Variants in ARHGEF12 observed in about 807,000 individuals in gnomAD.
ARHGEF12 encodes the protein KMT2A/ARHGEF12 fusion protein.
Under a neutral mutation model 211.2 loss-of-function variants are expected in ARHGEF12, and 66 were observed. That is an observed-to-expected ratio of 0.31 (90% CI 0.26 to 0.38). The LOEUF is 0.38. Ranked by LOEUF, ARHGEF12 falls within the 10% of genes least tolerant of loss-of-function variation. The pLI, the probability that ARHGEF12 is intolerant of heterozygous loss-of-function variation, is 1.00. For missense variants in ARHGEF12, 1,429 were observed against 1,869.5 expected (o/e 0.76, Z 4.34); for synonymous variants, 592 against 638.4 (o/e 0.93, Z 1.09).
At chr11:120,348,709 C>T (rs1942842634) in intron 1 of ARHGEF12, among the ~76,000 whole-genome samples, 1 of 152,082 alleles carries the variant, frequency 6.6e-6, no homozygotes, top group Admixed American at 6.5e-5. Flanking sequence ...GGCATGGTGG[C>T]ACATGCCTGT....
chr11:120,420,656 TC>T, intron 4 of ARHGEF12, 96 bp from the exon 5 acceptor site: 1 of 1,012,298 alleles, frequency 9.9e-7, no homozygotes, highest in Non-Finnish European at 1.5e-6. Context: ...TTTTTGTTTC[TC>T]CAGATGGAAC....
intron 1 of ARHGEF12, among the ~76,000 whole-genome samples, chr11:120,352,074 A>G (rs1054262849): frequency 6.6e-6 from 1 of 152,218 alleles, no homozygotes; most frequent in Non-Finnish European, 1.5e-5. Flanking sequence ...CTTCAACAAT[A>G]CCATTAAAGA....
In ARHGEF12 at chr11:120,446,823, A is replaced by G. The variant is rs1265769282; in HGVS notation, c.1452-125A>G. The G allele has an allele frequency of 8.3e-6, 10 of 1,205,230 alleles. No homozygotes were observed. The Admixed American group carries it at 1.4e-4, about 16-fold the overall frequency. The allele number at this position is 1,205,230 out of a possible 1,614,324, so 74.7% of individuals were successfully genotyped here. A position where few individuals can be genotyped will look rare whatever the true frequency, so the allele number is the denominator to read the frequency against. On this transcript the variant is annotated intron_variant, in intron 17 of 40. Coordinates refer to ENST00000397843, the MANE Select transcript of ARHGEF12 (RefSeq NM_015313.3). ...CTGGTATCCTAGATGACATGGACCCATAAGTGGAAAAGTGACATTTTTCCT... is the reference window on the plus strand; with the variant it reads ...CTGGTATCCTAGATGACATGGACCCGTAAGTGGAAAAGTGACATTTTTCCT...
Position 120,451,661 on chromosome 11 carries a change from T to G in ARHGEF12, c.1993T>G (p.Ser665Ala), listed in dbSNP as rs1488780818. 1.9e-6 allele frequency: 3 copies of G among 1,614,030 alleles called. No homozygotes were observed. The highest frequency in any genetic ancestry group is 2.2e-5 in the South Asian group (2 of 91,064). Residue 665 changes from serine to alanine, a missense_variant, in exon 22 of 41, where the codon TCC (serine) becomes GCC (alanine). Physicochemically the swap from Ser to Ala is moderately conservative, Grantham distance 99 (BLOSUM62 1). Transcript: ENST00000397843. Reference sequence around the variant, plus strand: ...AGACGCTGGATACCTGCCTGCCAATTCCATGTCTTCTGTAGCTTCAGGGGC... The same window carrying G: ...AGACGCTGGATACCTGCCTGCCAATGCCATGTCTTCTGTAGCTTCAGGGGC... Reference protein sequence around the residue: ...GTDAGYLPANSMSSVASGASF... With the variant: ...GTDAGYLPANAMSSVASGASF...
At chr11:120,385,361 A>C (rs1242386588) in intron 1 of ARHGEF12, 7 of 985,270 alleles carry the variant, frequency 7.1e-6, no homozygotes, top group Non-Finnish European at 8.4e-6. Context: ...TGTCGAATGT[A>C]TATATAAAGA....
At chr11:120,473,995 G>A (rs578215646) in intron 31 of ARHGEF12, among the ~76,000 whole-genome samples, 11 of 152,286 alleles carry the variant, frequency 7.2e-5, no homozygotes, top group South Asian at 6.2e-4. Context: ...CAACAAGCAC[G>A]TAAATGTGCT....
intron 23 of ARHGEF12, chr11:120,457,510 T>A: frequency 2.3e-6 from 1 of 440,572 alleles, no homozygotes; most frequent in Non-Finnish European, 3.9e-6. Context: ...GTTGGGTGCA[T>A]AAAAGAACTA....
At chr11:120,469,714 T>G (rs1946811511) in intron 30 of ARHGEF12, among the ~76,000 whole-genome samples, 1 of 152,200 alleles carries the variant, frequency 6.6e-6, no homozygotes, top group Non-Finnish European at 1.5e-5. Context: ...CACACTGAGC[T>G]TGTTTGCTAG....
intron 1 of ARHGEF12, among the ~76,000 whole-genome samples, chr11:120,374,392 C>T (rs1258138158): frequency 6.6e-6 from 1 of 152,106 alleles, no homozygotes; most frequent in Admixed American, 6.5e-5. Flanking sequence ...ATTTAAGCAC[C>T]TATAAAAAGT....
Position 120,457,776 on chromosome 11 carries a change from C to T in ARHGEF12, c.2225+20C>T. On this transcript the variant is annotated intron_variant, in intron 24 of 40. Transcript: ENST00000397843. Reference sequence around the variant, plus strand: ...TCGAAAGTAAGTAAATCTTAAGCAGCTTTCAATAAAGGCGCATTTTAAGAA... The same window carrying T: ...TCGAAAGTAAGTAAATCTTAAGCAGTTTTCAATAAAGGCGCATTTTAAGAA... 1 of 1,605,630 alleles carries T rather than the reference C, an allele frequency of 6.2e-7. No individual in the cohort carries two copies. Among genetic ancestry groups the T allele is most frequent in the African/African-American group, 1.3e-5 (1 of 74,760 alleles).
At chr11:120,458,372 G>A in intron 25 of ARHGEF12, 138 bp downstream of exon 25, 1 of 890,022 alleles carries the variant, frequency 1.1e-6, no homozygotes. Flanking sequence ...AAACTGGACA[G>A]ATAATCCTTG....
At chr11:120,375,453 T>C (rs1943698439) in intron 1 of ARHGEF12, among the ~76,000 whole-genome samples, 1 of 152,080 alleles carries the variant, frequency 6.6e-6, no homozygotes, top group African/African-American at 2.4e-5. Context: ...ACTGTAATGA[T>C]ATTCTTAAAA....
chr11:120,440,172 C>A lies in ARHGEF12; in HGVS notation c.1043C>A (p.Pro348His). ...LVGSPSTRIAPHIIGAEDDDF... is the reference protein window; with the variant it reads ...LVGSPSTRIAHHIIGAEDDDF... ...GGAAGTCCCTCAACCCGTATAGCAC[C>A]TCATATTATTGGAGCAGAAGATGAT... The change falls in exon 13 of 41, where the codon CCT (proline) becomes CAT (histidine). Residue 348 changes from proline to histidine, a missense_variant. Around this residue, in one of 7 missense-constraint regions of ARHGEF12, gnomAD observed 254 missense variants for 286.4 expected, o/e 0.89. Transcript: ENST00000397843. The A allele has an allele frequency of 6.2e-7, 1 of 1,613,816 alleles. No homozygotes were observed. The highest frequency in any genetic ancestry group is 8.5e-7 in the Non-Finnish European group (1 of 1,179,856).
chr11:120,385,389 A>G (rs963844607), intron 1 of ARHGEF12: 2 of 985,238 alleles, frequency 2.0e-6, no homozygotes, highest in Non-Finnish European at 2.4e-6. Context: ...TAGGATTGCT[A>G]AGGGAGTGGT....
chr11:120,385,516 T>A, intron 1 of ARHGEF12: 3 of 985,054 alleles, frequency 3.0e-6, no homozygotes, highest in Non-Finnish European at 3.6e-6. Context: ...GTTTTCTGGG[T>A]CGTGTATAAA....
At chr11:120,440,441 G>T (rs1945835542) in intron 13 of ARHGEF12, among the ~76,000 whole-genome samples, 4 of 152,052 alleles carry the variant, frequency 2.6e-5, no homozygotes, top group Non-Finnish European at 2.9e-5. Flanking sequence ...ATATGTTTAA[G>T]TACTTCATTT....
intron 1 of ARHGEF12, among the ~76,000 whole-genome samples, chr11:120,358,101 A>G (rs759357455): frequency 6.6e-6 from 1 of 152,144 alleles, no homozygotes; most frequent in Admixed American, 6.5e-5. Flanking sequence ...TCAGAGAGGC[A>G]GTAAGCGTTA....
chr11:120,373,984 T>G (rs1436308588), intron 1 of ARHGEF12, among the ~76,000 whole-genome samples: 2 of 152,134 alleles, frequency 1.3e-5, no homozygotes, highest in Non-Finnish European at 2.9e-5. Context: ...ATTTTGTATT[T>G]TTAGTAGAGA....
chr11:120,356,182 C>T (rs1455137744), intron 1 of ARHGEF12, among the ~76,000 whole-genome samples: 1 of 152,052 alleles, frequency 6.6e-6, no homozygotes, highest in East Asian at 1.9e-4. Flanking sequence ...GTTTTTGTGT[C>T]TCTTACCTTC....
Sources: gnomAD v4.1 joint callset for allele counts (sites outside exome capture counted in the v4.1 genomes callset) on GRCh38, gnomAD v4.1.1 for gene constraint, gnomAD v4.1.1 regional missense constraint, MANE v1.5 for transcripts, NCBI Gene and HGNC (gene_info 2026-07-23, HGNC 2026-07-21) for gene names.